The following MACO1 variants were observed in gnomAD, a reference collection of about 807,000 sequenced individuals.
MACO1 encodes macoilin.
MACO1 carries 14 observed loss-of-function variants against 78.7 expected under a neutral mutation model. The ratio of observed to expected loss-of-function variants is 0.18; its 90% CI spans 0.12 to 0.28. MACO1 has a LOEUF of 0.28. Ranked by LOEUF, MACO1 falls within the 10% of genes least tolerant of loss-of-function variation. The pLI is 1.00. For missense variants in MACO1, 501 were observed against 799.0 expected (o/e 0.63, Z 4.50); for synonymous variants, 288 against 291.6 (o/e 0.99, Z 0.12).
At chr1:25,447,832 C>G (rs531036848) in intron 2 of MACO1, among the ~76,000 whole-genome samples, 36 of 152,292 alleles carry the variant, frequency 2.4e-4, no homozygotes, top group Admixed American at 8.5e-4. Flanking sequence ...TAGGCCTGGG[C>G]TTGTTCCCTT....
chr1:25,498,116 C>T lies in MACO1; in HGVS notation c.1793-148C>T, dbSNP rs2043553788. On this transcript the variant is annotated intron_variant, in intron 10 of 10. Coordinates refer to ENST00000374343, the MANE Select transcript of MACO1 (RefSeq NM_018202.6). The stretch of plus-strand genomic sequence containing the variant: ...CGACACCTAAAATATTTACTGTGTC[C>T]CATTACAGGACAAGTTTGCCTGCTC... 1.5e-5 allele frequency: 10 copies of T among 682,830 alleles called. No homozygotes were observed. The South Asian group carries it at 1.9e-4, about 13-fold the overall frequency. The allele number at this position is 682,830 out of a possible 1,614,324, so 42.3% of individuals were successfully genotyped here.
intron 2 of MACO1, among the ~76,000 whole-genome samples, chr1:25,447,603 A>T (rs2043027453): frequency 6.6e-6 from 1 of 152,254 alleles, no homozygotes; most frequent in African/African-American, 2.4e-5. Flanking sequence ...AGACACCTAC[A>T]TTCTCATATC....
intron 1 of MACO1, among the ~76,000 whole-genome samples, chr1:25,441,483 C>A (rs12730931): frequency 0.13 from 19,275 of 152,208 alleles, 1,337 homozygotes; most frequent in East Asian, 0.23. Context: ...CTGCTCCCGG[C>A]CTCAACAAAT....
chr1:25,487,337 A>G (rs2043442696), intron 8 of MACO1, among the ~76,000 whole-genome samples: 1 of 152,076 alleles, frequency 6.6e-6, no homozygotes, highest in Non-Finnish European at 1.5e-5. Context: ...TATTTTTAGT[A>G]GAGACGAGGT....
chr1:25,495,753 A>C (rs537106092), intron 10 of MACO1, among the ~76,000 whole-genome samples: 1 of 152,156 alleles, frequency 6.6e-6, no homozygotes. Context: ...CACAAGGTCA[A>C]GAGATCGAGA....
At chr1:25,456,946 G>C (rs1292321899) in intron 5 of MACO1, 115 bp downstream of exon 5, 4 of 1,053,468 alleles carry the variant, frequency 3.8e-6, no homozygotes, top group Non-Finnish European at 5.3e-6. Context: ...GTCTAATGGT[G>C]TTCCTCCTCA....
chr1:25,453,139 G>A (rs1383891326), intron 3 of MACO1, among the ~76,000 whole-genome samples: 1 of 151,096 alleles, frequency 6.6e-6, no homozygotes, highest in Non-Finnish European at 1.5e-5. Flanking sequence ...CCAAGTAGCT[G>A]AGATTACAGG....
intron 6 of MACO1, among the ~76,000 whole-genome samples, chr1:25,463,111 C>CT (rs1477320178): frequency 6.6e-6 from 1 of 152,178 alleles, no homozygotes; most frequent in East Asian, 1.9e-4. Flanking sequence ...TTTTGACGAT[C>CT]TTTCCCCCTT....
At chr1:25,493,113 C>G (rs1223834552) in intron 10 of MACO1, among the ~76,000 whole-genome samples, 1 of 152,162 alleles carries the variant, frequency 6.6e-6, no homozygotes, top group African/African-American at 2.4e-5. Flanking sequence ...AACATGAATA[C>G]AACATGGTGT....
At chr1:25,490,909 C>A (rs988408524) in intron 9 of MACO1, among the ~76,000 whole-genome samples, 1 of 151,610 alleles carries the variant, frequency 6.6e-6, no homozygotes, top group African/African-American at 2.4e-5. Flanking sequence ...TTCTATATTC[C>A]TAAATTCTCT....
Position 25,488,614 on chromosome 1 carries a change from C to T in MACO1, c.1497-559C>T, listed in dbSNP as rs554842260. 4.7e-3 allele frequency among the ~76,000 whole-genome samples: 708 copies of T among 152,166 alleles called. 1 individual carries two copies. Among genetic ancestry groups the T allele is most frequent in the Non-Finnish European group, 7.3e-3 (496 of 68,008 alleles). On this transcript the variant is annotated intron_variant, in intron 8 of 10. Transcript: ENST00000374343. Reference sequence around the variant, plus strand: ...GTACAAGCAATTCTCCTGCCTCGGCCTCCCGAGTAGCTGGGATTACAGATG... The same window carrying T: ...GTACAAGCAATTCTCCTGCCTCGGCTTCCCGAGTAGCTGGGATTACAGATG...
At chr1:25,442,275 G>T (rs1301748915) in intron 1 of MACO1, among the ~76,000 whole-genome samples, 1 of 152,196 alleles carries the variant, frequency 6.6e-6, no homozygotes, top group African/African-American at 2.4e-5. Flanking sequence ...AGAGGTATTG[G>T]ATAACAGAAA....
intron 6 of MACO1, among the ~76,000 whole-genome samples, chr1:25,467,359 A>G (rs779492986): frequency 5.3e-5 from 8 of 152,204 alleles, no homozygotes; most frequent in Non-Finnish European, 1.2e-4. Context: ...GGAATCAACA[A>G]TTTTGTTTGT....
chr1:25,447,965 A>G (rs1335797153), intron 2 of MACO1, among the ~76,000 whole-genome samples: 1 of 152,160 alleles, frequency 6.6e-6, no homozygotes, highest in Non-Finnish European at 1.5e-5. Context: ...CTTATGTTCT[A>G]TTGGCGGTAG....
chr1:25,474,839 C>T (rs562157297), intron 6 of MACO1, among the ~76,000 whole-genome samples: 2 of 152,318 alleles, frequency 1.3e-5, no homozygotes, highest in African/African-American at 4.8e-5. Flanking sequence ...TTGAACTTCG[C>T]AGCACCATTT....
chr1:25,494,614 T>C (rs1282295511), intron 10 of MACO1, among the ~76,000 whole-genome samples: 1 of 151,820 alleles, frequency 6.6e-6, no homozygotes, highest in Non-Finnish European at 1.5e-5. Flanking sequence ...TGAGACTGAG[T>C]GGAGACAGAC....
rs1276754407 is a variant in MACO1, at chr1:25,456,722, G to A, written c.543G>A (p.Arg181=). The A allele has an allele frequency of 2.5e-6, 4 of 1,614,024 alleles. No homozygotes were observed. Among genetic ancestry groups the A allele is most frequent in the South Asian group, 2.2e-5 (2 of 91,072 alleles). The change falls in exon 5 of 11, where the codon AGG becomes AGA. Residue 181 remains arginine, a synonymous_variant. Transcript: ENST00000374343. The part of the protein sequence containing the change: ...KSYVSYKMRL[R]KQKEVQKENE... ...ACGTAAGCTACAAAATGCGGTTAAG[G>A]AAGCAAAAAGAAGTACAAAAAGAGA...
At chr1:25,454,132 G>A in intron 3 of MACO1, 127 bp from the exon 4 acceptor site, 1 of 1,116,024 alleles carries the variant, frequency 9.0e-7, no homozygotes, top group Non-Finnish European at 1.2e-6. Context: ...GGATCAGTTT[G>A]CCTTTTAATT....
At chr1:25,458,949 G>C in intron 6 of MACO1, 57 bp downstream of exon 6, 2 of 1,558,768 alleles carry the variant, frequency 1.3e-6, no homozygotes, top group South Asian at 2.5e-5. Context: ...ACATACTCTT[G>C]ACATACTCCC....
Sources: allele counts gnomAD v4.1 joint callset (sites outside exome capture counted in the v4.1 genomes callset), GRCh38; gene constraint gnomAD v4.1.1; transcripts MANE v1.5; gene names NCBI Gene and HGNC (gene_info 2026-07-23, HGNC 2026-07-21).